CNKSR3: variants seen among roughly 807,000 people sequenced by gnomAD.
CNKSR3 encodes connector enhancer of kinase suppressor of ras 3.
CNKSR3 carries 36 observed loss-of-function variants against 67.7 expected under a neutral mutation model. The observed-to-expected ratio is 0.53, with a 90% CI of 0.41 to 0.70. CNKSR3 has a LOEUF of 0.70. CNKSR3 is among the 30% of genes least tolerant of loss of function. The pLI, the probability that CNKSR3 is intolerant of heterozygous loss-of-function variation, is 0.00. For missense variants in CNKSR3, 630 were observed against 695.2 expected, an observed-to-expected ratio of 0.91 and a Z score of 1.05; for synonymous variants, 281 against 271.4, an observed-to-expected ratio of 1.04 and a Z score of -0.35.
chr6:154,472,948 C>T (rs145482741), intron 1 of CNKSR3, among the ~76,000 whole-genome samples: 32 of 152,130 alleles, frequency 2.1e-4, no homozygotes, highest in African/African-American at 7.5e-4. Flanking sequence ...AGTGAGGTAT[C>T]GAGTCTATCA....
intron 1 of CNKSR3, among the ~76,000 whole-genome samples, chr6:154,495,024 T>C (rs1268615176): frequency 6.6e-6 from 1 of 152,222 alleles, no homozygotes; most frequent in Non-Finnish European, 1.5e-5. Context: ...TTAGGCTGCA[T>C]TGTACAGAAA....
At chr6:154,427,859 T>A (rs1281998437) in intron 7 of CNKSR3, among the ~76,000 whole-genome samples, 1 of 152,144 alleles carries the variant, frequency 6.6e-6, no homozygotes, top group Non-Finnish European at 1.5e-5. Context: ...GGCTTAACAC[T>A]TCCAGTGTGC....
intron 1 of CNKSR3, among the ~76,000 whole-genome samples, chr6:154,486,955 G>A (rs1418170430): frequency 1.3e-5 from 2 of 152,278 alleles, no homozygotes; most frequent in Admixed American, 1.3e-4. Context: ...ACAGGCATGA[G>A]CCACTGTGCC....
At chr6:154,439,717 C>A (rs530041800) in intron 4 of CNKSR3, among the ~76,000 whole-genome samples, 7 of 152,154 alleles carry the variant, frequency 4.6e-5, no homozygotes, top group African/African-American at 1.4e-4. Context: ...CATAGCAAGA[C>A]CCTGTCTCTA....
In CNKSR3 at chr6:154,411,614, A is replaced by G. The variant is rs558725287; in HGVS notation, c.1071-472T>C. ...ATGCCACTGCACTCCAGCCTGGGCA[A>G]TGGAGCGAGACTCCATCTCAAAAAA... On this transcript the variant is annotated intron_variant, in intron 10 of 12. Coordinates refer to ENST00000607772, the MANE Select transcript of CNKSR3 (RefSeq NM_173515.4). Among the ~76,000 whole-genome samples, 4 of 136,190 alleles carry G rather than the reference A, an allele frequency of 2.9e-5. No homozygotes were observed. The East Asian group carries it at 6.9e-4, about 23-fold the overall frequency. 89.3% of individuals were successfully genotyped at this position (136,190 alleles called of 152,430 possible).
intron 2 of CNKSR3, among the ~76,000 whole-genome samples, chr6:154,446,629 G>A (rs781599811): frequency 6.6e-6 from 1 of 151,990 alleles, no homozygotes; most frequent in Non-Finnish European, 1.5e-5. Flanking sequence ...TTCATGACAG[G>A]TACTTCATTT....
intron 1 of CNKSR3, among the ~76,000 whole-genome samples, chr6:154,486,895 T>G (rs1786684717): frequency 6.6e-6 from 1 of 152,230 alleles, no homozygotes; most frequent in Admixed American, 6.5e-5. Context: ...GGTCTCGAAC[T>G]CATGGGCTCA....
In CNKSR3 at chr6:154,428,153, T is replaced by C; in HGVS notation, c.704A>G (p.His235Arg). 1.2e-6 allele frequency: 2 copies of C among 1,610,392 alleles called. No individual in the cohort carries two copies. Among genetic ancestry groups the C allele is most frequent in the Non-Finnish European group, 1.7e-6 (2 of 1,176,602 alleles). Residue 235 changes from histidine to arginine, a missense_variant, in exon 7 of 13, where the codon CAC (histidine) becomes CGC (arginine). His to Arg is a conservative substitution (Grantham distance 29). Around this residue, in one of 3 missense-constraint regions of CNKSR3, gnomAD observed 133 missense variants for 190.6 expected, o/e 0.70. Transcript: ENST00000607772. ...MYIKSTYDGL[H>R]VITGTTENSP... ...ATTTTCTGTGGTTCCAGTAATCACGTGTAACCCATCATAGGTTGATTTGAT... is the reference window on the plus strand; with the variant it reads ...ATTTTCTGTGGTTCCAGTAATCACGCGTAACCCATCATAGGTTGATTTGAT...
At chr6:154,440,075 C>T (rs1785549849) in intron 4 of CNKSR3, among the ~76,000 whole-genome samples, 1 of 152,098 alleles carries the variant, frequency 6.6e-6, no homozygotes, top group Non-Finnish European at 1.5e-5. Context: ...TTACTTTATG[C>T]ACCATAAAAA....
intron 1 of CNKSR3, among the ~76,000 whole-genome samples, chr6:154,466,796 T>G (rs1562346069): frequency 6.7e-6 from 1 of 149,452 alleles, no homozygotes; most frequent in African/African-American, 2.5e-5. Flanking sequence ...ATTTTTTTGT[T>G]TTTTTTTTTT....
rs148744566 is a variant in CNKSR3 at position 154,442,154 on chromosome 6, T to C, written c.353A>G (p.Asn118Ser). 3.5e-5 allele frequency: 56 copies of C among 1,614,024 alleles called. No homozygotes were observed. Among genetic ancestry groups the C allele is most frequent in the East Asian group, 6.7e-5 (3 of 44,892 alleles). Residue 118 changes from asparagine to serine, a missense_variant, in exon 3 of 13, where the codon AAT becomes AGT. Physicochemically the swap from Asn to Ser is conservative, Grantham distance 46 (BLOSUM62 1). Transcript: ENST00000607772. ...CTCCACCACCGAGGTCAGGAACTCA[T>C]TGGGGGCCTTGCGGGAGGTGTTGCC... ...YDGNTSRKAPNEFLTSVVELI... is the reference protein window; with the variant it reads ...YDGNTSRKAPSEFLTSVVELI...
chr6:154,472,820 AAACAAC>A (rs1582888176), intron 1 of CNKSR3, among the ~76,000 whole-genome samples: 3 of 151,780 alleles, frequency 2.0e-5, no homozygotes, highest in Non-Finnish European at 4.4e-5. Flanking sequence ...AAAAAAAGCA[AAACAAC>A]AACAACAAAA....
Position 154,510,613 on chromosome 6 carries a change from C to A in CNKSR3, c.-499G>T, listed in dbSNP as rs1787197975. 6.0e-6 allele frequency: 1 copy of A among 166,774 alleles called. No homozygotes were observed. Among genetic ancestry groups the A allele is most frequent in the African/African-American group, 2.4e-5 (1 of 41,680 alleles). The allele number at this position is 166,774 out of a possible 1,614,324, so 10.3% of individuals were successfully genotyped here. On this transcript the variant is annotated 5_prime_UTR_variant, in exon 1 of 13. Transcript: ENST00000607772. ...CCTCCTGCGCCGCCCTCCCGTGCCG[C>A]CCTGGCAGGGCCGAGCGCAGAGCGT... is the stretch of plus-strand genomic sequence containing the variant.
At chr6:154,438,970 C>T (rs1041013361) in intron 4 of CNKSR3, among the ~76,000 whole-genome samples, 1 of 152,120 alleles carries the variant, frequency 6.6e-6, no homozygotes, top group African/African-American at 2.4e-5. Flanking sequence ...ATCATCAGTT[C>T]ATAACGATCG....
chr6:154,454,822 GAAA>G (rs1057401502), intron 1 of CNKSR3, among the ~76,000 whole-genome samples: 4 of 147,848 alleles, frequency 2.7e-5, no homozygotes, highest in South Asian at 4.2e-4. Flanking sequence ...ATACCTGGCA[GAAA>G]AAAAAAAAAT....
Position 154,430,580 on chromosome 6 carries a change from T to C in CNKSR3, c.561A>G (p.Leu187=), listed in dbSNP as rs769835375. 7 of 1,610,490 alleles carry C rather than the reference T, an allele frequency of 4.3e-6. No individual in the cohort carries two copies. In the East Asian group the frequency reaches 1.3e-4, roughly 31 times the overall value. Residue 187 remains leucine (L), a synonymous_variant, in exon 6 of 13, where the codon TTA becomes TTG. Transcript: ENST00000607772. ...GGATTGTTTTGTCACAGATGCCATTTAAAACCTTGACCTAGAATTGGAGAA... is the reference window on the plus strand; with the variant it reads ...GGATTGTTTTGTCACAGATGCCATTCAAAACCTTGACCTAGAATTGGAGAA... ...EDKVLTVVKV[L]NGICDKTIRS...
intron 9 of CNKSR3, among the ~76,000 whole-genome samples, chr6:154,419,549 G>A (rs1032731903): frequency 7.2e-5 from 11 of 152,178 alleles, no homozygotes; most frequent in African/African-American, 2.7e-4. Flanking sequence ...CACGGCTGGT[G>A]GGAATGTAAA....
At chr6:154,461,626 C>T (rs934545170) in intron 1 of CNKSR3, among the ~76,000 whole-genome samples, 2 of 152,180 alleles carry the variant, frequency 1.3e-5, no homozygotes, top group African/African-American at 4.8e-5. Flanking sequence ...GTCCCTATAC[C>T]TCATGGGATT....
At chr6:154,422,427 A>T in intron 9 of CNKSR3, 79 bp downstream of exon 9, 2 of 1,413,758 alleles carry the variant, frequency 1.4e-6, no homozygotes, top group Non-Finnish European at 2.0e-6. Context: ...ATCACCTTCA[A>T]ATTTTAATCT....
Sources: allele counts gnomAD v4.1 joint callset (sites outside exome capture counted in the v4.1 genomes callset), GRCh38; gene constraint gnomAD v4.1.1; regional missense constraint gnomAD v4.1.1; transcripts MANE v1.5; gene names NCBI Gene and HGNC (gene_info 2026-07-23, HGNC 2026-07-21).